The following LINGO2 variants were observed in gnomAD, a reference collection of about 807,000 sequenced individuals.
LINGO2 encodes leucine rich repeat and Ig domain containing 2, also known as leucine-rich repeat and immunoglobulin-like domain-containing nogo receptor-interacting protein 2.
LINGO2 carries 14 observed loss-of-function variants against 30.6 expected under a neutral mutation model. The ratio of observed to expected loss-of-function variants is 0.46; its 90% confidence interval spans 0.30 to 0.72. The LOEUF (loss-of-function observed/expected upper bound fraction) is 0.72. LINGO2 is among the 30% of genes least tolerant of loss of function. LINGO2 has a pLI of 0.07. For missense variants in LINGO2, 729 were observed against 751.7 expected (o/e 0.97, Z 0.35); for synonymous variants, 317 against 288.5 (o/e 1.10, Z -1.00).
the LINGO2 span, among the ~76,000 whole-genome samples, chr9:28,885,380 T>C: frequency 2.8e-5 from 1 of 35,092 alleles, no homozygotes; most frequent in African/African-American, 7.6e-5. Flanking sequence ...CACACATATA[T>C]ATATACACAT....
intron 5 of LINGO2, among the ~76,000 whole-genome samples, chr9:27,973,208 G>C (rs147978156): frequency 4.6e-5 from 7 of 152,104 alleles, no homozygotes; most frequent in African/African-American, 1.4e-4. Context: ...CTGTTTCTCT[G>C]GGGAATTCTG....
At chr9:28,378,738 AT>A (rs1410855133) in intron 2 of LINGO2, among the ~76,000 whole-genome samples, 1 of 152,186 alleles carries the variant, frequency 6.6e-6, no homozygotes, top group Non-Finnish European at 1.5e-5. Context: ...TTCATTCTTA[AT>A]TTAATTGGGA....
intron 4 of LINGO2, among the ~76,000 whole-genome samples, chr9:28,078,577 G>A (rs562537962): frequency 3.0e-4 from 45 of 148,606 alleles, no homozygotes; most frequent in Admixed American, 1.1e-3. Context: ...TCTGCCGGGC[G>A]TGGTGGCTCA....
the LINGO2 span, among the ~76,000 whole-genome samples, chr9:28,733,559 G>T: frequency 2.3e-4 from 35 of 152,154 alleles, no homozygotes; most frequent in African/African-American, 8.2e-4. Flanking sequence ...GCTCTACCCT[G>T]TCTCACCTAA....
At chr9:28,058,083 A>G (rs958253218) in intron 4 of LINGO2, among the ~76,000 whole-genome samples, 1 of 152,124 alleles carries the variant, frequency 6.6e-6, no homozygotes, top group Non-Finnish European at 1.5e-5. Context: ...TGCCCAATAA[A>G]TAGTTGTGCC....
At position 28,561,749 on chromosome 9, in the gene LINGO2, G is replaced by GTGTATA. The variant is rs772157537; in HGVS notation, c.-364-85725_-364-85724insTATACA. On this transcript the variant is annotated intron_variant, in intron 1 of 5. Coordinates refer to ENST00000379992, the Ensembl canonical transcript of LINGO2. ...TATATATAATTTTGTGTGTGTGTGT[G>GTGTATA]TATATATATATATATATATATATAT... Among the ~76,000 whole-genome samples the GTGTATA allele has an allele frequency of 7.4e-3, 362 of 48,716 alleles. 58 individuals carry two copies. Among genetic ancestry groups the GTGTATA allele is most frequent in the East Asian group, 0.018 (32 of 1,776 alleles). The allele number at this position is 48,716 out of a possible 152,430, so 32.0% of individuals were successfully genotyped here. A position where few individuals can be genotyped will look rare whatever the true frequency, so the allele number is the denominator to read the frequency against.
intron 3 of LINGO2, among the ~76,000 whole-genome samples, chr9:28,355,313 CT>C (rs1820140343): frequency 7.1e-6 from 1 of 140,824 alleles, no homozygotes; most frequent in Non-Finnish European, 1.6e-5. Context: ...CTCTCTCTCT[CT>C]CTCTCTCTCT....
At chr9:28,139,172 AC>A (rs1410935692) in intron 4 of LINGO2, among the ~76,000 whole-genome samples, 1 of 152,142 alleles carries the variant, frequency 6.6e-6, no homozygotes, top group Non-Finnish European at 1.5e-5. Flanking sequence ...CAGGGTATGG[AC>A]CTTAGCAGTA....
intron 3 of LINGO2, among the ~76,000 whole-genome samples, chr9:28,339,350 G>A (rs563342188): frequency 2.0e-5 from 3 of 152,080 alleles, no homozygotes; most frequent in Non-Finnish European, 4.4e-5. Context: ...TTTATAGTAG[G>A]TTGTATTTAG....
chr9:28,558,472 C>T, intron 1 of LINGO2, among the ~76,000 whole-genome samples: 1 of 152,020 alleles, frequency 6.6e-6, no homozygotes, highest in East Asian at 1.9e-4. Context: ...GCCAGAGAAC[C>T]TGTTTTATCC....
At position 28,235,171 on chromosome 9, in the gene LINGO2, CAGAG is replaced by C. The variant is rs202168985; in HGVS notation, c.-87+60033_-87+60036del. The stretch of plus-strand genomic sequence containing the variant: ...ATATGCAGTTTCAAGTGACTCACCA[CAGAG>C]AGAGAGAGAATCTCTACATTTGGGA... On this transcript the variant is annotated intron_variant, in intron 4 of 5. Coordinates refer to ENST00000379992, the Ensembl canonical transcript of LINGO2. 3.3e-5 allele frequency among the ~76,000 whole-genome samples: 5 copies of C among 152,112 alleles called. 1 individual carries two copies. The highest frequency in any genetic ancestry group is 2.1e-4 in the South Asian group (1 of 4,822).
At chr9:28,415,303 C>G (rs926855244) in intron 2 of LINGO2, among the ~76,000 whole-genome samples, 2 of 152,176 alleles carry the variant, frequency 1.3e-5, no homozygotes, top group African/African-American at 4.8e-5. Context: ...GCTCCCTCTC[C>G]AGCCTGTCTA....
intron 4 of LINGO2, among the ~76,000 whole-genome samples, chr9:28,039,893 T>C (rs888074125): frequency 1.2e-4 from 19 of 152,290 alleles, no homozygotes; most frequent in African/African-American, 4.3e-4. Context: ...CCCACCCCCT[T>C]GTGAGATATA....
At chr9:28,097,919 G>C (rs936697726) in intron 4 of LINGO2, among the ~76,000 whole-genome samples, 1 of 151,974 alleles carries the variant, frequency 6.6e-6, no homozygotes, top group Admixed American at 6.6e-5. Flanking sequence ...AGATGAGCTG[G>C]ATACCTAGTT....
the LINGO2 span, among the ~76,000 whole-genome samples, chr9:28,994,516 T>A: frequency 6.6e-6 from 1 of 151,212 alleles, no homozygotes; most frequent in African/African-American, 2.4e-5. Flanking sequence ...TGGAAAAAAC[T>A]ACTTTAAAGT....
the LINGO2 span, among the ~76,000 whole-genome samples, chr9:29,153,504 GT>G: frequency 6.6e-6 from 1 of 152,148 alleles, no homozygotes; most frequent in Non-Finnish European, 1.5e-5. Context: ...GAAAATAAAA[GT>G]TTTTTATTAT....
chr9:28,509,711 A>G (rs1820293347), intron 1 of LINGO2, among the ~76,000 whole-genome samples: 1 of 152,182 alleles, frequency 6.6e-6, no homozygotes, highest in Non-Finnish European at 1.5e-5. Context: ...ACAAGCTAGG[A>G]AGAAAGAGAA....
chr9:28,299,017 T>A (rs1824034249), intron 3 of LINGO2, among the ~76,000 whole-genome samples: 1 of 152,198 alleles, frequency 6.6e-6, no homozygotes, highest in African/African-American at 2.4e-5. Flanking sequence ...GTATACCTTA[T>A]TGCTTTGAAG....
chr9:28,374,116 C>T (rs1257456491), intron 2 of LINGO2, among the ~76,000 whole-genome samples: 1 of 151,418 alleles, frequency 6.6e-6, no homozygotes, highest in East Asian at 2.0e-4. Context: ...GGACATGAGG[C>T]CTTTGTTCGG....
Sources: allele counts gnomAD v4.1 joint callset (sites outside exome capture counted in the v4.1 genomes callset), GRCh38; gene constraint gnomAD v4.1.1; transcripts MANE v1.5; gene names NCBI Gene and HGNC (gene_info 2026-07-23, HGNC 2026-07-21).